The following C12orf42 variants were observed in gnomAD, a reference collection of about 807,000 sequenced individuals.
The protein encoded by C12orf42 is uncharacterized protein C12orf42.
In C12orf42, 25 loss-of-function variants were observed where a neutral mutation model predicts 21.6. That is an observed-to-expected ratio of 1.16 (90% confidence interval 0.84 to 1.62). C12orf42 has a LOEUF of 1.62. Ranked by LOEUF, C12orf42 falls within the 40% of genes most tolerant of loss-of-function variation. The probability of loss-of-function intolerance (pLI) is 0.00; values close to 1 mark genes in which losing one functional copy is unlikely to be tolerated. For synonymous variants in C12orf42, 174 were observed against 175.0 expected (o/e 0.99, Z 0.05); for missense variants, 483 against 459.3 (o/e 1.05, Z -0.47).
intron 4 of C12orf42, among the ~76,000 whole-genome samples, chr12:103,310,188 T>C (rs1302342394): frequency 6.6e-6 from 1 of 152,152 alleles, no homozygotes; most frequent in Non-Finnish European, 1.5e-5. Context: ...GTTCTTGTGA[T>C]AGTGAGTGAG....
In C12orf42 at chr12:103,277,768, C is replaced by T. The variant is rs531349856; in HGVS notation, n.338-558G>A. On this transcript the variant is annotated intron_variant and non_coding_transcript_variant, in intron 4 of 6. Transcript: ENST00000546526. ...CTCAGCAGCTGGGACCACAGGCACC[C>T]GCCAAAACGCCCGGCTAATTTTTTG... 6.2e-4 allele frequency among the ~76,000 whole-genome samples: 94 copies of T among 152,060 alleles called. 3 individuals carry two copies. Among genetic ancestry groups the T allele is most frequent in the Admixed American group, 6.0e-3 (91 of 15,262 alleles).
the C12orf42 span, chr12:103,559,137 G>A: frequency 6.6e-6 from 1 of 152,340 alleles, no homozygotes; most frequent in African/African-American, 2.4e-5. Context: ...CATAGTTTAT[G>A]TTAACAGTGA....
the C12orf42 span, among the ~76,000 whole-genome samples, chr12:103,060,441 C>T: frequency 3.0e-4 from 45 of 152,256 alleles, no homozygotes; most frequent in East Asian, 6.5e-3. Context: ...CATTAAGCTA[C>T]CATTAACTTT....
the C12orf42 span, among the ~76,000 whole-genome samples, chr12:103,218,878 AT>A: frequency 6.6e-6 from 1 of 152,258 alleles, no homozygotes; most frequent in Non-Finnish European, 1.5e-5. Context: ...GCCATTTTAC[AT>A]TTGAATTGTT....
the C12orf42 span, among the ~76,000 whole-genome samples, chr12:103,537,462 G>T: frequency 6.6e-6 from 1 of 152,142 alleles, no homozygotes; most frequent in African/African-American, 2.4e-5. Flanking sequence ...TTCTAGAGCT[G>T]GCTGACACCA....
chr12:103,490,600 A>C (rs1955126459), intron 1 of C12orf42, among the ~76,000 whole-genome samples: 1 of 151,892 alleles, frequency 6.6e-6, no homozygotes, highest in Non-Finnish European at 1.5e-5. Flanking sequence ...TTTACATCTT[A>C]TTTAATTTTC....
chr12:103,495,463 C>T (rs1955468152), intron 1 of C12orf42, among the ~76,000 whole-genome samples: 1 of 148,220 alleles, frequency 6.7e-6, no homozygotes, highest in South Asian at 2.1e-4. Context: ...AGCATGCGGG[C>T]GGCGGCGAGC....
chr12:103,167,934 GTA>G, the C12orf42 span: 1 of 403,574 alleles, frequency 2.5e-6, no homozygotes, highest in Admixed American at 2.6e-5. Context: ...GTGTGTGTGT[GTA>G]TACTGCAAAT....
chr12:103,292,175 C>T (rs920119363), intron 4 of C12orf42, among the ~76,000 whole-genome samples: 1 of 152,064 alleles, frequency 6.6e-6, no homozygotes, highest in African/African-American at 2.4e-5. Context: ...ACAAAAGACA[C>T]ATATTATATG....
chr12:103,414,756 C>G (rs1321606098), intron 2 of C12orf42, among the ~76,000 whole-genome samples: 1 of 152,154 alleles, frequency 6.6e-6, no homozygotes, highest in Non-Finnish European at 1.5e-5. Flanking sequence ...CATCCTGAAA[C>G]TTTACTAAAG....
At chr12:103,466,652 C>T (rs555363470) in intron 2 of C12orf42, among the ~76,000 whole-genome samples, 1 of 152,060 alleles carries the variant, frequency 6.6e-6, no homozygotes, top group African/African-American at 2.4e-5. Flanking sequence ...AAAACATTAC[C>T]CCATGTGGTA....
chr12:103,200,858 T>C, the C12orf42 span, among the ~76,000 whole-genome samples: 1 of 152,184 alleles, frequency 6.6e-6, no homozygotes, highest in African/African-American at 2.4e-5. Context: ...TCTTTATTCA[T>C]CAAAATAGGA....
the C12orf42 span, among the ~76,000 whole-genome samples, chr12:103,185,997 C>T: frequency 1.3e-5 from 2 of 152,320 alleles, no homozygotes; most frequent in South Asian, 2.1e-4. Context: ...ATTTGGCCAT[C>T]CTCAACTGCT....
the C12orf42 span, among the ~76,000 whole-genome samples, chr12:103,185,015 T>C: frequency 6.6e-6 from 1 of 152,046 alleles, no homozygotes; most frequent in Non-Finnish European, 1.5e-5. Flanking sequence ...CCTTCCAAAA[T>C]GATAAGAAAA....
chr12:103,523,425 G>A, the C12orf42 span, among the ~76,000 whole-genome samples: 33 of 151,926 alleles, frequency 2.2e-4, 1 homozygote, highest in South Asian at 6.7e-3. Flanking sequence ...AAGGGTATCT[G>A]CAAATTACAT....
intron 4 of C12orf42, among the ~76,000 whole-genome samples, chr12:103,346,838 C>A (rs977402072): frequency 6.6e-6 from 1 of 152,168 alleles, no homozygotes; most frequent in African/African-American, 2.4e-5. Flanking sequence ...AAGACTAGTG[C>A]ATGAGGTATT....
At chr12:103,230,310 T>C in the C12orf42 span, among the ~76,000 whole-genome samples, 1 of 152,290 alleles carries the variant, frequency 6.6e-6, no homozygotes, top group South Asian at 2.1e-4. Flanking sequence ...GAATTTTTTT[T>C]TTTAATGGCT....
chr12:103,445,481 C>T (rs1951522729), intron 2 of C12orf42, among the ~76,000 whole-genome samples: 1 of 151,940 alleles, frequency 6.6e-6, no homozygotes, highest in South Asian at 2.1e-4. Flanking sequence ...GCTGCTATCT[C>T]ATTTTGAATT....
chr12:103,329,174 G>A (rs2040986643), intron 4 of C12orf42, among the ~76,000 whole-genome samples: 1 of 152,192 alleles, frequency 6.6e-6, no homozygotes, highest in South Asian at 2.1e-4. Flanking sequence ...CAGAGCTATG[G>A]CAGTATGAGG....
Sources: gnomAD v4.1 joint callset for allele counts (sites outside exome capture counted in the v4.1 genomes callset) on GRCh38, gnomAD v4.1.1 for gene constraint, MANE v1.5 for transcripts, NCBI Gene and HGNC (gene_info 2026-07-23, HGNC 2026-07-21) for gene names.